VPS13A: variants seen among roughly 807,000 people sequenced by gnomAD.
The protein encoded by VPS13A is vacuolar protein sorting 13 homolog A.
VPS13A carries 264 observed loss-of-function variants against 390.9 expected under a neutral mutation model. That is an observed-to-expected ratio of 0.68 (90% CI 0.61 to 0.75). The LOEUF is 0.75. VPS13A is among the 30% of genes least tolerant of loss of function. The pLI, the probability that VPS13A is intolerant of heterozygous loss-of-function variation, is 0.00. For synonymous variants in VPS13A, 1,231 were observed against 1,227.1 expected (o/e 1.00, Z -0.07); for missense variants, 3,409 against 3,733.9 (o/e 0.91, Z 2.27).
intron 67 of VPS13A, among the ~76,000 whole-genome samples, chr9:77,376,605 G>A (rs1054104254): frequency 6.6e-6 from 1 of 152,174 alleles, no homozygotes; most frequent in Non-Finnish European, 1.5e-5. Context: ...TACTGGAAGG[G>A]TGAGGTTGTC....
intron 10 of VPS13A, among the ~76,000 whole-genome samples, chr9:77,219,654 AT>A (rs1033053511): frequency 6.6e-6 from 1 of 151,730 alleles, no homozygotes; most frequent in East Asian, 1.9e-4. Context: ...TATTAAAACT[AT>A]TTTTTTGATT....
intron 67 of VPS13A, among the ~76,000 whole-genome samples, chr9:77,372,911 A>G (rs2131593197): frequency 6.6e-6 from 1 of 152,064 alleles, no homozygotes; most frequent in East Asian, 1.9e-4. Context: ...TAAAATACCT[A>G]GGAATCCAAC....
At chr9:77,347,117 G>A (rs1205619799) in intron 52 of VPS13A, among the ~76,000 whole-genome samples, 5 of 152,100 alleles carry the variant, frequency 3.3e-5, no homozygotes, top group African/African-American at 9.7e-5. Context: ...GTAGGATAAC[G>A]TGATGCCCCC....
chr9:77,201,449 T>C (rs747806517), intron 3 of VPS13A, 42 bp downstream of exon 3: 4 of 1,500,572 alleles, frequency 2.7e-6, no homozygotes, highest in Non-Finnish European at 3.7e-6. Context: ...TTCCTGGACA[T>C]GCAGCCAGAA....
At position 77,209,594 on chromosome 9, in the gene VPS13A, A is replaced by G. The variant is rs897066324; in HGVS notation, c.495+62A>G. ...TATATGTAAGTTATTTTACTATTTAATGACACCTACTTTTTAATGGCCAAT... is the reference window on the plus strand; with the variant it reads ...TATATGTAAGTTATTTTACTATTTAGTGACACCTACTTTTTAATGGCCAAT... On this transcript the variant is annotated intron_variant, in intron 6 of 71. Transcript: ENST00000360280. 7.6e-6 allele frequency: 8 copies of G among 1,057,896 alleles called. No homozygotes were observed. In the African/African-American group the frequency reaches 1.3e-4, roughly 17 times the overall value. The allele number at this position is 1,057,896 out of a possible 1,614,324, so 65.5% of individuals were successfully genotyped here.
chr9:77,227,989 A>G lies in VPS13A; in HGVS notation c.1453-133A>G, dbSNP rs147936999. 1,103 of 639,842 alleles carry G rather than the reference A, an allele frequency of 1.7e-3. 12 individuals are homozygous for G. In the African/African-American group the frequency reaches 0.017, roughly 10 times the overall value. The allele number at this position is 639,842 out of a possible 1,614,324, so 39.6% of individuals were successfully genotyped here. On this transcript the variant is annotated intron_variant, in intron 16 of 71. Coordinates refer to ENST00000360280, the MANE Select transcript of VPS13A (RefSeq NM_033305.3). ...AATATTGTCTCTTTTTTTGGGGTCA[A>G]TGTGATGATTCTTGAAGAAATAAAA...
rs111685884 is a variant in VPS13A at position 77,243,333 on chromosome 9, T to C, written c.1901-3926T>C. On this transcript the variant is annotated intron_variant, in intron 19 of 71. Coordinates refer to ENST00000360280, the MANE Select transcript of VPS13A (RefSeq NM_033305.3). ...GAAATTCAGAGTATTCTAAGCAGCATTTTCTGTGAATATGATCTTTGAGGA... is the reference window on the plus strand; with the variant it reads ...GAAATTCAGAGTATTCTAAGCAGCACTTTCTGTGAATATGATCTTTGAGGA... Among the ~76,000 whole-genome samples, 662 of 152,264 alleles carry C rather than the reference T, an allele frequency of 4.3e-3. 2 individuals are homozygous for C. Among genetic ancestry groups the C allele is most frequent in the Middle Eastern group, 6.8e-3 (2 of 294 alleles).
chr9:77,325,558 TTTG>T (rs1365329816), intron 45 of VPS13A, among the ~76,000 whole-genome samples: 1 of 152,026 alleles, frequency 6.6e-6, no homozygotes, highest in African/African-American at 2.4e-5. Flanking sequence ...CCATCTTCCC[TTTG>T]TTTTCTCTTT....
chr9:77,239,222 G>T (rs1367892125), intron 19 of VPS13A, among the ~76,000 whole-genome samples: 1 of 151,726 alleles, frequency 6.6e-6, no homozygotes, highest in African/African-American at 2.4e-5. Context: ...TCACACCTTT[G>T]ATCCCAGCAC....
rs112875462 is a variant in VPS13A at position 77,235,435 on chromosome 9, T to A, written c.1596-2567T>A. On this transcript the variant is annotated intron_variant, in intron 17 of 71. Coordinates refer to ENST00000360280, the MANE Select transcript of VPS13A (RefSeq NM_033305.3). ...TGTTAATCTATTACATATCTTGTTA[T>A]GTGATGAGTTGCTTCTCTCTTGCTG... Among the ~76,000 whole-genome samples the A allele has an allele frequency of 1.8e-3, 273 of 152,332 alleles. 1 individual carries two copies. Among genetic ancestry groups the A allele is most frequent in the African/African-American group, 6.2e-3 (256 of 41,580 alleles).
At chr9:77,220,189 C>T in intron 11 of VPS13A, 88 bp from the exon 12 acceptor site, 1 of 1,505,228 alleles carries the variant, frequency 6.6e-7, no homozygotes, top group African/African-American at 1.4e-5. Flanking sequence ...GTAGCATTTC[C>T]CTAAAAAGTC....
chr9:77,301,975 G>A lies in VPS13A; in HGVS notation c.3813-940G>A, dbSNP rs566864459. On this transcript the variant is annotated intron_variant, in intron 33 of 71. Coordinates refer to ENST00000360280, the MANE Select transcript of VPS13A (RefSeq NM_033305.3). ...TAGAGATATTTTTTTTTTTTTTCCC[G>A]AGACAGTGTTTTACTCTTGTTGCCC... Among the ~76,000 whole-genome samples the A allele has an allele frequency of 9.8e-5, 14 of 143,554 alleles. No individual in the cohort carries two copies. In the East Asian group the frequency reaches 2.2e-3, roughly 23 times the overall value. 94.2% of individuals were successfully genotyped at this position (143,554 alleles called of 152,430 possible). A position where few individuals can be genotyped will look rare whatever the true frequency, so the allele number is the denominator to read the frequency against.
chr9:77,337,560 C>T (rs1830603841), intron 47 of VPS13A, 23 bp downstream of exon 47: 1 of 1,599,434 alleles, frequency 6.3e-7, no homozygotes, highest in South Asian at 1.1e-5. Flanking sequence ...TGATTTAGTG[C>T]CTTCCTGTTT....
At chr9:77,215,897 A>T (rs560332316) in intron 10 of VPS13A, among the ~76,000 whole-genome samples, 148 of 152,308 alleles carry the variant, frequency 9.7e-4, no homozygotes, top group Non-Finnish European at 1.4e-3. Context: ...CCAGTACAAA[A>T]CTGCCTTAGC....
chr9:77,348,529 G>A (rs893129440), intron 52 of VPS13A, among the ~76,000 whole-genome samples: 4 of 152,020 alleles, frequency 2.6e-5, no homozygotes, highest in Non-Finnish European at 5.9e-5. Context: ...ATACTTAGGT[G>A]TAGGTTGGTA....
At chr9:77,404,701 A>G (rs1834521522) in intron 69 of VPS13A, among the ~76,000 whole-genome samples, 1 of 152,218 alleles carries the variant, frequency 6.6e-6, no homozygotes, top group Non-Finnish European at 1.5e-5. Context: ...GAAGTGAATT[A>G]GTTGTAGTTG....
intron 29 of VPS13A, 128 bp downstream of exon 29, chr9:77,282,402 T>A: frequency 1.2e-6 from 1 of 847,776 alleles, no homozygotes; most frequent in South Asian, 1.8e-5. Flanking sequence ...GGTTAATATC[T>A]AGAAGGATTC....
chr9:77,276,440 G>GA (rs1334179143), intron 26 of VPS13A, among the ~76,000 whole-genome samples: 3 of 152,154 alleles, frequency 2.0e-5, no homozygotes, highest in African/African-American at 7.2e-5. Context: ...AAAATCAGAT[G>GA]ATAATGGTTG....
At chr9:77,310,750 CA>C (rs1829025907) in intron 35 of VPS13A, among the ~76,000 whole-genome samples, 1 of 152,080 alleles carries the variant, frequency 6.6e-6, no homozygotes, top group Non-Finnish European at 1.5e-5. Flanking sequence ...GAAGATGGAT[CA>C]GGGGAAACAA....
Sources: gnomAD v4.1 joint callset for allele counts (sites outside exome capture counted in the v4.1 genomes callset) on GRCh38, gnomAD v4.1.1 for gene constraint, MANE v1.5 for transcripts, NCBI Gene and HGNC (gene_info 2026-07-23, HGNC 2026-07-21) for gene names.